Variants in SRRM1 observed in about 807,000 individuals in gnomAD.
The protein encoded by SRRM1 is serine/arginine repetitive matrix protein 1.
In SRRM1, 19 loss-of-function variants were observed where a neutral mutation model predicts 110.2. The ratio of observed to expected loss-of-function variants is 0.17; its 90% CI spans 0.12 to 0.25. The LOEUF is 0.25. SRRM1 is among the 10% of genes least tolerant of loss of function. SRRM1 has a pLI of 1.00. For synonymous variants in SRRM1, 443 were observed against 414.9 expected (o/e 1.07, Z -0.82); for missense variants, 918 against 1,145.8 (o/e 0.80, Z 2.87).
chr1:24,651,804 A>G (rs1398742231), intron 6 of SRRM1, among the ~76,000 whole-genome samples, 192 bp downstream of exon 6: 3 of 151,710 alleles, frequency 2.0e-5, no homozygotes, highest in Non-Finnish European at 4.4e-5. Context: ...GACCATTACT[A>G]TCTTTTGGTT....
intron 3 of SRRM1, chr1:24,647,312 T>A (rs1171982282): frequency 1.3e-5 from 2 of 152,680 alleles, no homozygotes; most frequent in East Asian, 3.8e-4. Context: ...AATACTATTA[T>A]GAGATGGACA....
intron 13 of SRRM1, among the ~76,000 whole-genome samples, chr1:24,667,639 A>C (rs952074416): frequency 1.4e-4 from 22 of 152,212 alleles, no homozygotes; most frequent in African/African-American, 5.3e-4. Flanking sequence ...CAATGACAGA[A>C]ACAGTCACAG....
chr1:24,672,427 G>A lies in SRRM1; in HGVS notation c.*141G>A. 3 of 567,694 alleles carry A rather than the reference G, an allele frequency of 5.3e-6. No individual in the cohort carries two copies. Among genetic ancestry groups the A allele is most frequent in the Non-Finnish European group, 9.4e-6 (3 of 320,170 alleles). 35.2% of individuals were successfully genotyped at this position (567,694 alleles called of 1,614,324 possible). A position where few individuals can be genotyped will look rare whatever the true frequency, so the allele number is the denominator to read the frequency against. On this transcript the variant is annotated 3_prime_UTR_variant, in exon 17 of 17. Transcript: ENST00000323848. ...TGAAGTTCAACATGTAAAAAAAGGG[G>A]GCATGGATTTACATTGCAAAAGGTG...
chr1:24,657,157 T>G (rs774583746), intron 9 of SRRM1, among the ~76,000 whole-genome samples: 3 of 152,190 alleles, frequency 2.0e-5, no homozygotes, highest in Non-Finnish European at 4.4e-5. Flanking sequence ...CATAGCTCAC[T>G]GCAGCCTCCA....
Position 24,671,598 on chromosome 1 carries a change from A to G in SRRM1, c.2610+3A>G. 1 of 1,585,630 alleles carries G rather than the reference A, an allele frequency of 6.3e-7. No individual in the cohort carries two copies. The highest frequency in any genetic ancestry group is 8.5e-7 in the Non-Finnish European group (1 of 1,171,418). On this transcript the variant is annotated splice_donor_region_variant and intron_variant, in intron 16 of 16. Coordinates refer to ENST00000323848, the MANE Select transcript of SRRM1 (RefSeq NM_005839.4). ...TGGCAGCGCCAGAGCCGAAGAAGGT[A>G]TTTATGAACTCTGTATATGGCTGTC...
intron 4 of SRRM1, among the ~76,000 whole-genome samples, chr1:24,649,730 A>G: frequency 6.6e-6 from 1 of 152,184 alleles, no homozygotes; most frequent in South Asian, 2.1e-4. Context: ...GTAAGCTTGA[A>G]AACATCTCTT....
chr1:24,661,025 A>T (rs1432104668), intron 10 of SRRM1: 5 of 537,444 alleles, frequency 9.3e-6, no homozygotes, highest in Non-Finnish European at 1.3e-5. Context: ...TTCATCTCCG[A>T]AATAGGGACA....
chr1:24,667,786 T>G (rs1210560632), intron 13 of SRRM1, among the ~76,000 whole-genome samples: 2 of 152,158 alleles, frequency 1.3e-5, no homozygotes, highest in African/African-American at 4.8e-5. Context: ...ATCACTGAGG[T>G]TCATTTTACA....
intron 16 of SRRM1, 89 bp downstream of exon 16, chr1:24,671,684 T>G: frequency 1.7e-6 from 2 of 1,184,348 alleles, no homozygotes; most frequent in Non-Finnish European, 2.4e-6. Context: ...AATTGTTTTT[T>G]CTACTAATTA....
At chr1:24,661,050 C>T in intron 10 of SRRM1, 1 of 533,978 alleles carries the variant, frequency 1.9e-6, no homozygotes. Flanking sequence ...AGGTTTTTGA[C>T]AGTTAACTGT....
At chr1:24,649,353 CTG>C (rs1228475733) in intron 4 of SRRM1, among the ~76,000 whole-genome samples, 2 of 152,352 alleles carry the variant, frequency 1.3e-5, no homozygotes, top group East Asian at 3.9e-4. Context: ...CAGTTTCAGT[CTG>C]TCACCCAGGC....
At chr1:24,668,701 A>G (rs768613495) in intron 13 of SRRM1, among the ~76,000 whole-genome samples, 1 of 152,188 alleles carries the variant, frequency 6.6e-6, no homozygotes, top group Non-Finnish European at 1.5e-5. Flanking sequence ...AGACCTCTTT[A>G]AAGTGCAGAC....
chr1:24,662,980 A>G, intron 12 of SRRM1, 176 bp downstream of exon 12: 3 of 1,012,098 alleles, frequency 3.0e-6, no homozygotes, highest in East Asian at 5.3e-5. Context: ...GTGGTTATTA[A>G]TAATTAATTT....
intron 11 of SRRM1, among the ~76,000 whole-genome samples, chr1:24,662,321 A>G (rs1434870111): frequency 1.3e-5 from 2 of 152,102 alleles, no homozygotes; most frequent in African/African-American, 2.4e-5. Context: ...GATGGTGCAG[A>G]CCTGTAATCC....
At chr1:24,647,954 G>C (rs1324281816) in intron 3 of SRRM1, 1 of 152,164 alleles carries the variant, frequency 6.6e-6, no homozygotes, top group East Asian at 1.9e-4. Context: ...TTAAAGTTTA[G>C]AACTTTTTAA....
rs573614610 is a variant in SRRM1, at chr1:24,657,400, G to C, written c.1315+2271G>C. Among the ~76,000 whole-genome samples the C allele has an allele frequency of 4.6e-5, 7 of 152,274 alleles. No individual in the cohort carries two copies. In the South Asian group the frequency reaches 1.5e-3, roughly 32 times the overall value. On this transcript the variant is annotated intron_variant, in intron 9 of 16. Transcript: ENST00000323848. ...TACTTTTCACAACTTTCCTACCCCA[G>C]AACTCTTCTTTGATTGCTAAAGGTG...
intron 10 of SRRM1, 89 bp from the exon 11 acceptor site, chr1:24,661,221 A>T: frequency 1.2e-6 from 1 of 847,162 alleles, no homozygotes; most frequent in Non-Finnish European, 1.9e-6. Flanking sequence ...CAACCAAATG[A>T]AGGTTTGAGA....
At chr1:24,643,709 G>A (rs1031232517) in intron 1 of SRRM1, 55 of 309,456 alleles carry the variant, frequency 1.8e-4, no homozygotes, top group Non-Finnish European at 3.0e-4. Context: ...AGTCCCGAGT[G>A]GGAGGCCAAA....
At position 24,654,882 on chromosome 1, in the gene SRRM1, T is replaced by C; in HGVS notation, c.1068T>C (p.Ser356=). Reference sequence around the variant, plus strand: ...GAAGACGTTCGTCAGCATCCTTGTCTGGGAGTAGCTCATCATCCTCTTCAT... The same window carrying C: ...GAAGACGTTCGTCAGCATCCTTGTCCGGGAGTAGCTCATCATCCTCTTCAT... The part of the protein sequence containing the change: ...RRRRRSSASL[S]GSSSSSSSSR... The change falls in exon 9 of 17, where the codon TCT becomes TCC. Residue 356 remains serine (S), a synonymous_variant. Coordinates refer to ENST00000323848, the MANE Select transcript of SRRM1 (RefSeq NM_005839.4). The C allele has an allele frequency of 1.9e-6, 3 of 1,614,226 alleles. No homozygotes were observed. The highest frequency in any genetic ancestry group is 2.2e-5 in the South Asian group (2 of 91,086).
Sources: allele counts gnomAD v4.1 joint callset (sites outside exome capture counted in the v4.1 genomes callset), GRCh38; gene constraint gnomAD v4.1.1; transcripts MANE v1.5; gene names NCBI Gene and HGNC (gene_info 2026-07-23, HGNC 2026-07-21).